NFIA: variants seen among roughly 807,000 people sequenced by gnomAD.
The protein encoded by NFIA is nuclear factor 1 A-type.
NFIA carries 8 observed loss-of-function variants against 62.8 expected under a neutral mutation model. That is an observed-to-expected ratio of 0.13 (90% CI 0.07 to 0.23). NFIA has a LOEUF of 0.23. Ranked by LOEUF, NFIA falls within the 10% of genes least tolerant of loss-of-function variation. NFIA has a pLI of 1.00. For synonymous variants in NFIA, 235 were observed against 238.1 expected (o/e 0.99, Z 0.12); for missense variants, 410 against 642.1 (o/e 0.64, Z 3.91).
At chr1:61,364,815 C>T (rs1229035675) in intron 6 of NFIA, among the ~76,000 whole-genome samples, 1 of 152,136 alleles carries the variant, frequency 6.6e-6, no homozygotes, top group Non-Finnish European at 1.5e-5. Flanking sequence ...ACCAAATGTT[C>T]TCTTCTACAA....
chr1:61,242,263 CA>C (rs1340966687), intron 2 of NFIA, among the ~76,000 whole-genome samples: 1 of 152,042 alleles, frequency 6.6e-6, no homozygotes, highest in Non-Finnish European at 1.5e-5. Context: ...ACACAGGAGA[CA>C]GTGTGTGTGC....
chr1:61,146,850 T>G (rs1250389673), intron 2 of NFIA, among the ~76,000 whole-genome samples: 1 of 152,148 alleles, frequency 6.6e-6, no homozygotes, highest in Non-Finnish European at 1.5e-5. Context: ...TTTAAATAGT[T>G]TTATGTGTGT....
chr1:61,245,139 C>A (rs1655563317), intron 2 of NFIA, among the ~76,000 whole-genome samples: 1 of 152,050 alleles, frequency 6.6e-6, no homozygotes, highest in African/African-American at 2.4e-5. Flanking sequence ...GGAGGACATA[C>A]TTGGGTTTTT....
chr1:61,414,108 G>A (rs1157126435), intron 9 of NFIA, among the ~76,000 whole-genome samples: 1 of 152,036 alleles, frequency 6.6e-6, no homozygotes, highest in Non-Finnish European at 1.5e-5. Context: ...TCAGCCTCCT[G>A]AGTAGCTGGG....
At position 61,150,142 on chromosome 1, in the gene NFIA, G is replaced by A. The variant is rs1228203242; in HGVS notation, c.559+61462G>A. 2.0e-5 allele frequency among the ~76,000 whole-genome samples: 3 copies of A among 152,230 alleles called. No homozygotes were observed. In the East Asian group the frequency reaches 5.8e-4, roughly 29 times the overall value. On this transcript the variant is annotated intron_variant, in intron 2 of 10. Coordinates refer to ENST00000403491, the MANE Select transcript of NFIA (RefSeq NM_001134673.4). ...TTTAAAAAATACACGTTACAAGGCA[G>A]GTTGGTATGAAGGAAAGAGCACTGA...
At chr1:61,081,264 A>G (rs919909204), upstream of NFIA, among the ~76,000 whole-genome samples, 10 of 152,092 alleles carry the variant, frequency 6.6e-5, no homozygotes, top group South Asian at 6.2e-4. Flanking sequence ...GTTAAAAAAA[A>G]AAAACTGGAA....
At chr1:61,299,128 A>G (rs976982843) in intron 3 of NFIA, among the ~76,000 whole-genome samples, 1 of 152,148 alleles carries the variant, frequency 6.6e-6, no homozygotes, top group Admixed American at 6.6e-5. Context: ...AAAGAAGATG[A>G]TCTTCTCTAG....
At chr1:61,304,301 G>C (rs1452932847) in intron 3 of NFIA, among the ~76,000 whole-genome samples, 1 of 151,912 alleles carries the variant, frequency 6.6e-6, no homozygotes, top group African/African-American at 2.4e-5. Context: ...GAGAGAGAGA[G>C]ATCAGGGTGA....
intron 6 of NFIA, among the ~76,000 whole-genome samples, chr1:61,368,754 GTAAA>G (rs1239520557): frequency 1.3e-5 from 2 of 152,126 alleles, no homozygotes; most frequent in Non-Finnish European, 2.9e-5. Flanking sequence ...TTTTTAGGGG[GTAAA>G]TACTTTGAAA....
At chr1:61,298,950 A>G (rs1659343725) in intron 3 of NFIA, among the ~76,000 whole-genome samples, 1 of 152,210 alleles carries the variant, frequency 6.6e-6, no homozygotes, top group African/African-American at 2.4e-5. Context: ...AGTAATAGTC[A>G]TCCTAACATA....
intron 2 of NFIA, among the ~76,000 whole-genome samples, chr1:61,195,340 C>A (rs998198152): frequency 1.3e-5 from 2 of 152,124 alleles, no homozygotes; most frequent in Non-Finnish European, 2.9e-5. Context: ...AAGAAAATGA[C>A]AGGCACATGC....
rs199919755 is a variant in NFIA at position 61,112,123 on chromosome 1, GAT to G, written c.559+23444_559+23445del. On this transcript the variant is annotated intron_variant, in intron 2 of 10. Coordinates refer to ENST00000403491, the MANE Select transcript of NFIA (RefSeq NM_001134673.4). ...TAATCCTATTTGTCCAAAATAGAAA[GAT>G]TTTTTTTTTTTAAAAAAAAACTATG... Among the ~76,000 whole-genome samples the G allele has an allele frequency of 7.1e-3, 131 of 18,506 alleles. 3 individuals carry two copies. In the East Asian group the frequency reaches 0.17, roughly 23 times the overall value. 12.1% of individuals were successfully genotyped at this position (18,506 alleles called of 152,430 possible).
At chr1:61,341,172 T>A (rs1047542325) in intron 4 of NFIA, among the ~76,000 whole-genome samples, 3 of 149,276 alleles carry the variant, frequency 2.0e-5, no homozygotes, top group African/African-American at 7.4e-5. Context: ...CACACCATTC[T>A]CCTGCCTCCG....
chr1:61,190,775 C>T lies in NFIA; in HGVS notation c.560-86745C>T, dbSNP rs565949847. On this transcript the variant is annotated intron_variant, in intron 2 of 10. Transcript: ENST00000403491. ...TTCACTCTAGACCATATTTGGTTACCCTGGTACTTAAAATCTTAGTCACAT... is the reference window on the plus strand; with the variant it reads ...TTCACTCTAGACCATATTTGGTTACTCTGGTACTTAAAATCTTAGTCACAT... Among the ~76,000 whole-genome samples the T allele has an allele frequency of 3.3e-5, 5 of 152,196 alleles. 1 individual carries two copies. The highest frequency in any genetic ancestry group is 1.2e-4 in the African/African-American group (5 of 41,520).
intron 2 of NFIA, among the ~76,000 whole-genome samples, chr1:61,112,081 GA>G (rs1267971529): frequency 2.0e-5 from 3 of 150,904 alleles, no homozygotes; most frequent in Non-Finnish European, 3.0e-5. Flanking sequence ...AAACAACAAA[GA>G]ATTGTCTAAG....
chr1:61,202,105 A>G (rs968433545), intron 2 of NFIA, among the ~76,000 whole-genome samples: 2 of 152,242 alleles, frequency 1.3e-5, no homozygotes, highest in African/African-American at 4.8e-5. Context: ...CCAGAAGGAT[A>G]GGTGCCAATG....
At chr1:61,208,291 G>A (rs375779706) in intron 2 of NFIA, among the ~76,000 whole-genome samples, 1 of 152,004 alleles carries the variant, frequency 6.6e-6, no homozygotes, top group Non-Finnish European at 1.5e-5. Context: ...CATTTTTTCT[G>A]CCATATTCCT....
At chr1:61,367,120 C>T (rs1663632397) in intron 6 of NFIA, among the ~76,000 whole-genome samples, 1 of 152,174 alleles carries the variant, frequency 6.6e-6, no homozygotes, top group Non-Finnish European at 1.5e-5. Flanking sequence ...ATTTTGCAGA[C>T]TTATGTTAGT....
intron 6 of NFIA, among the ~76,000 whole-genome samples, 170 bp from the exon 7 acceptor site, chr1:61,383,067 G>A (rs1004668888): frequency 2.6e-5 from 4 of 152,162 alleles, no homozygotes; most frequent in Non-Finnish European, 5.9e-5. Flanking sequence ...GGACTATTCT[G>A]TCACCTCTTT....
Sources: gnomAD v4.1 joint callset for allele counts (sites outside exome capture counted in the v4.1 genomes callset) on GRCh38, gnomAD v4.1.1 for gene constraint, MANE v1.5 for transcripts, NCBI Gene and HGNC (gene_info 2026-07-23, HGNC 2026-07-21) for gene names.